The following ZNF75A variants were observed in gnomAD, a reference collection of about 807,000 sequenced individuals.
ZNF75A encodes the protein zinc finger protein 75A.
A neutral mutation model predicts 46.3 loss-of-function variants in ZNF75A; 36 were observed. The observed-to-expected ratio is 0.78, with a 90% confidence interval of 0.60 to 1.03. ZNF75A has a LOEUF of 1.03. Ranked by LOEUF, ZNF75A falls within the 50% of genes least tolerant of loss-of-function variation. ZNF75A has a pLI of 0.00. For missense variants in ZNF75A, 595 were observed against 551.3 expected, an observed-to-expected ratio of 1.08 and a Z score of -0.79; for synonymous variants, 234 against 189.9, an observed-to-expected ratio of 1.23 and a Z score of -1.91.
chr16:3,307,558 C>T (rs1172581082), intron 1 of ZNF75A: 3 of 152,086 alleles, frequency 2.0e-5, no homozygotes, highest in African/African-American at 7.2e-5. Flanking sequence ...TGCTCTAACT[C>T]CCAGGCTGGA....
Position 3,308,763 on chromosome 16 carries a change from A to C in ZNF75A, c.335A>C (p.His112Pro). The C allele has an allele frequency of 1.0e-6, 1 of 987,724 alleles. No individual in the cohort carries two copies. Among genetic ancestry groups the C allele is most frequent in the Non-Finnish European group, 1.2e-6 (1 of 830,628 alleles). 61.2% of individuals were successfully genotyped at this position (987,724 alleles called of 1,614,324 possible). ...RETQTQMQKH[H>P]PQSIEEAVAL... ...ACACAGACCCAGATGCAGAAGCACC[A>C]TCCACAGAGCATTGAGGAGGCTGTG... The change falls in exon 2 of 7, where the codon CAT becomes CCT. Residue 112 changes from histidine (H) to proline (P), a missense_variant. Coordinates refer to ENST00000669516, the MANE Select transcript of ZNF75A (RefSeq NM_001302109.2).
At chr16:3,323,034 C>T, downstream of ZNF75A, 1 of 601,318 alleles carries the variant, frequency 1.7e-6, no homozygotes, top group Non-Finnish European at 2.1e-6. Flanking sequence ...TGAACCTAAG[C>T]TACTGTCTTT....
chr16:3,318,888 ATGT>A, downstream of ZNF75A: 1 of 960,366 alleles, frequency 1.0e-6, no homozygotes, highest in Non-Finnish European at 1.2e-6. Context: ...ATCTACATCC[ATGT>A]TGTTCTGTCC....
At chr16:3,313,422 T>C (rs1033765048) in intron 5 of ZNF75A, among the ~76,000 whole-genome samples, 1 of 152,250 alleles carries the variant, frequency 6.6e-6, no homozygotes, top group African/African-American at 2.4e-5. Flanking sequence ...TCCTCTTCTG[T>C]GTCTTACTTA....
chr16:3,316,126 T>G (rs1961186448), intron 5 of ZNF75A: 1 of 152,262 alleles, frequency 6.6e-6, no homozygotes, highest in Non-Finnish European at 1.5e-5. Context: ...TGATTTAATT[T>G]TCTTTAAAAC....
chr16:3,321,619 C>T (rs1227069521), downstream of ZNF75A, among the ~76,000 whole-genome samples: 1 of 152,204 alleles, frequency 6.6e-6, no homozygotes, highest in Non-Finnish European at 1.5e-5. Context: ...GCACGTGCCA[C>T]CATGCCTGGG....
chr16:3,323,257 A>G, downstream of ZNF75A: 2 of 794,390 alleles, frequency 2.5e-6, no homozygotes, highest in Admixed American at 3.4e-5. Flanking sequence ...TCCTTGAGGA[A>G]GCCCACTGTA....
At chr16:3,309,341 G>A (rs1265304693) in intron 2 of ZNF75A, 5 of 151,502 alleles carry the variant, frequency 3.3e-5, no homozygotes, top group Admixed American at 6.6e-5. Flanking sequence ...CTGTAATCCC[G>A]GCTATCCTCG....
downstream of ZNF75A, among the ~76,000 whole-genome samples, chr16:3,320,315 A>T (rs1961483493): frequency 6.6e-6 from 1 of 152,198 alleles, no homozygotes; most frequent in African/African-American, 2.4e-5. Flanking sequence ...AAGTGCCGGG[A>T]TTACAGGCGT....
In ZNF75A at chr16:3,318,032, C is replaced by G; in HGVS notation, c.*163C>G. The G allele has an allele frequency of 7.1e-7, 1 of 1,411,128 alleles. No individual in the cohort carries two copies. The highest frequency in any genetic ancestry group is 2.5e-5 in the East Asian group (1 of 39,314). 87.4% of individuals were successfully genotyped at this position (1,411,128 alleles called of 1,614,324 possible). Reference sequence around the variant, plus strand: ...ATAATCAAGACTTGCTCTGCAGCCACTCAGTAGTCTTCTGTGGTCACAGAA... The same window carrying G: ...ATAATCAAGACTTGCTCTGCAGCCAGTCAGTAGTCTTCTGTGGTCACAGAA... On this transcript the variant is annotated 3_prime_UTR_variant, in exon 7 of 7. Transcript: ENST00000669516.
Position 3,317,738 on chromosome 16 carries a change from T to A in ZNF75A, c.1483T>A (p.Phe495Ile). The change falls in exon 7 of 7, where the codon TTC becomes ATC. Residue 495 changes from phenylalanine to isoleucine, a missense_variant. Coordinates refer to ENST00000669516, the MANE Select transcript of ZNF75A (RefSeq NM_001302109.2). ...CACATGTCATGAATGTGGAAAAAAA[T>A]TCAGTCAGAACTCCCACCTTATTAA... Reference protein sequence around the residue: ...PFTCHECGKKFSQNSHLIKHR... With the variant: ...PFTCHECGKKISQNSHLIKHR... The A allele has an allele frequency of 6.2e-7, 1 of 1,613,786 alleles. No individual in the cohort carries two copies. Among genetic ancestry groups the A allele is most frequent in the Non-Finnish European group, 8.5e-7 (1 of 1,179,946 alleles).
In ZNF75A at chr16:3,311,843, C is replaced by G. The variant is rs925336339; in HGVS notation, c.499C>G (p.Pro167Ala). The change falls in exon 3 of 7, where the codon CCA (proline) becomes GCA (alanine). Residue 167 changes from proline (P) to alanine (A), a missense_variant. Coordinates refer to ENST00000669516, the MANE Select transcript of ZNF75A (RefSeq NM_001302109.2). ...SFGLKPTESQ[P>A]VGVSQDEEFW... ...CGGGCTGAAGCCAACAGAGTCCCAA[C>G]CAGTGGGCGTATCCCAAGATGAAGA... 9.6e-7 allele frequency: 1 copy of G among 1,043,256 alleles called. No individual in the cohort carries two copies. The highest frequency in any genetic ancestry group is 1.7e-5 in the African/African-American group (1 of 58,884). 64.6% of individuals were successfully genotyped at this position (1,043,256 alleles called of 1,614,324 possible).
chr16:3,318,951 A>G, downstream of ZNF75A: 1 of 591,076 alleles, frequency 1.7e-6, no homozygotes, highest in Non-Finnish European at 2.1e-6. Flanking sequence ...AGCATTTAAC[A>G]GCAGCCTCAG....
At chr16:3,313,557 T>C (rs1960971599) in intron 5 of ZNF75A, among the ~76,000 whole-genome samples, 2 of 152,228 alleles carry the variant, frequency 1.3e-5, no homozygotes, top group Non-Finnish European at 2.9e-5. Flanking sequence ...AGCTTTACTT[T>C]GACATATCCT....
downstream of ZNF75A, chr16:3,318,948 A>G (rs1961418420): frequency 3.3e-6 from 2 of 605,860 alleles, no homozygotes; most frequent in South Asian, 1.5e-4. Context: ...CACAGCATTT[A>G]ACAGCAGCCT....
chr16:3,315,130 A>G (rs1961105014), intron 5 of ZNF75A: 17 of 974,870 alleles, frequency 1.7e-5, no homozygotes, highest in Non-Finnish European at 1.9e-5. Flanking sequence ...TGTTTTTCCC[A>G]TCTCAGTAAG....
chr16:3,305,977 C>T (rs930261892), intron 1 of ZNF75A: 1 of 152,250 alleles, frequency 6.6e-6, no homozygotes, highest in Admixed American at 6.5e-5. Flanking sequence ...CCCGCCTCCG[C>T]CGGCATTTCC....
chr16:3,319,504 A>T (rs1254401891), downstream of ZNF75A, among the ~76,000 whole-genome samples: 1 of 152,198 alleles, frequency 6.6e-6, no homozygotes, highest in Non-Finnish European at 1.5e-5. Context: ...GACCTCCAGG[A>T]TTCTGTTTCT....
In ZNF75A at chr16:3,308,713, G is replaced by C; in HGVS notation, c.285G>C (p.Gln95His). The C allele has an allele frequency of 1.0e-6, 1 of 993,592 alleles. No individual in the cohort carries two copies. Among genetic ancestry groups the C allele is most frequent in the African/African-American group, 1.7e-5 (1 of 57,690 alleles). 61.5% of individuals were successfully genotyped at this position (993,592 alleles called of 1,614,324 possible). A position where few individuals can be genotyped will look rare whatever the true frequency, so the allele number is the denominator to read the frequency against. The part of the protein sequence containing the change: ...EQILELLVLE[Q>H]FLTILPRETQ... The stretch of plus-strand genomic sequence containing the variant: ...TACTGGAACTGCTGGTGCTGGAGCA[G>C]TTCCTGACTATTCTGCCCAGGGAGA... The change falls in exon 2 of 7, where the codon CAG (glutamine) becomes CAC (histidine). Residue 95 changes from glutamine (Q) to histidine (H), a missense_variant. Transcript: ENST00000669516.
Sources: allele counts gnomAD v4.1 joint callset (sites outside exome capture counted in the v4.1 genomes callset), GRCh38; gene constraint gnomAD v4.1.1; transcripts MANE v1.5; gene names NCBI Gene and HGNC (gene_info 2026-07-23, HGNC 2026-07-21).